AFG3L2: variants seen among roughly 807,000 people sequenced by gnomAD.
AFG3L2 encodes mitochondrial inner membrane m-AAA protease component AFG3L2.
In AFG3L2, 54 loss-of-function variants were observed where a neutral mutation model predicts 94.5. That is an observed-to-expected ratio of 0.57 (90% CI 0.46 to 0.72). AFG3L2 has a LOEUF of 0.72. Among genes scored for constraint, AFG3L2 ranks in the 30% least tolerant of loss-of-function variants. The pLI is 0.00. For missense variants in AFG3L2, 754 were observed against 994.9 expected (o/e 0.76, Z 3.26); for synonymous variants, 377 against 365.5 (o/e 1.03, Z -0.36).
At chr18:12,336,009 G>T (rs1430034738) in intron 16 of AFG3L2, among the ~76,000 whole-genome samples, 1 of 152,208 alleles carries the variant, frequency 6.6e-6, no homozygotes, top group Non-Finnish European at 1.5e-5. Flanking sequence ...ATTTGGCATG[G>T]CTGACTCCAT....
intron 13 of AFG3L2, among the ~76,000 whole-genome samples, chr18:12,346,032 C>T (rs1908123943): frequency 6.6e-6 from 1 of 152,174 alleles, no homozygotes; most frequent in Non-Finnish European, 1.5e-5. Flanking sequence ...CACCCTAACA[C>T]GCTCACTGCC....
At position 12,329,712 on chromosome 18, in the gene AFG3L2, T is replaced by C; in HGVS notation, c.2247A>G (p.Pro749=). ...NDMVELLGPR[P]FAEKSTYEEF... The stretch of plus-strand genomic sequence containing the variant: ...CTTCATAGGTAGATTTTTCCGCAAA[T>C]GGTCTGGGGCCCAAAAGTTCAACCA... Residue 749 remains proline (P), a synonymous_variant, in exon 17 of 17, where the codon CCA becomes CCG. Coordinates refer to ENST00000269143, the MANE Select transcript of AFG3L2 (RefSeq NM_006796.3). The C allele has an allele frequency of 4.3e-6, 7 of 1,614,212 alleles. No homozygotes were observed. Among genetic ancestry groups the C allele is most frequent in the Non-Finnish European group, 5.9e-6 (7 of 1,180,046 alleles).
intron 3 of AFG3L2, among the ~76,000 whole-genome samples, chr18:12,368,010 A>G (rs1908861843): frequency 6.6e-6 from 1 of 152,086 alleles, no homozygotes; most frequent in South Asian, 2.1e-4. Flanking sequence ...TCTACTAAAA[A>G]TACAAAATTA....
Position 12,360,017 on chromosome 18 carries a change from G to A in AFG3L2, c.662C>T (p.Thr221Ile). ...YVWFNIGSVD[T>I]FERNLETLQQ... The stretch of plus-strand genomic sequence containing the variant: ...TAAAGTTTCCAGATTCCGTTCAAAG[G>A]TGTCCACACTGCCAATATTAAACCA... Residue 221 changes from threonine (T) to isoleucine (I), a missense_variant, in exon 7 of 17, where the codon ACC (threonine) becomes ATC (isoleucine). Coordinates refer to ENST00000269143, the MANE Select transcript of AFG3L2 (RefSeq NM_006796.3). 6.2e-7 allele frequency: 1 copy of A among 1,613,968 alleles called. No individual in the cohort carries two copies. The highest frequency in any genetic ancestry group is 1.3e-5 in the African/African-American group (1 of 74,990).
At position 12,355,693 on chromosome 18, in the gene AFG3L2, G is replaced by A. The variant is rs9950753; in HGVS notation, c.1164+1001C>T. 4.3e-3 allele frequency among the ~76,000 whole-genome samples: 645 copies of A among 149,062 alleles called. 8 individuals are homozygous for A. The highest frequency in any genetic ancestry group is 0.015 in the African/African-American group (618 of 40,468). On this transcript the variant is annotated intron_variant, in intron 9 of 16. Transcript: ENST00000269143. ...TACATATTTTTTTTTTTTTTGAGAC[G>A]AGTCTCACTCTGTCACCCAAGCTGG...
Position 12,343,422 on chromosome 18 carries a change from G to A in AFG3L2, c.1779+710C>T, listed in dbSNP as rs533040685. 1.3e-3 allele frequency: 202 copies of A among 153,026 alleles called. 1 individual carries two copies. The South Asian group carries it at 0.014, about 11-fold the overall frequency. The allele number at this position is 153,026 out of a possible 1,614,324, so 9.5% of individuals were successfully genotyped here. ...GCTTCAGGGGACCCCCACACCCCTG[G>A]CCCGCCTCAATTCCCAGCAGCCCTG... On this transcript the variant is annotated intron_variant, in intron 14 of 16. Transcript: ENST00000269143.
rs1206837792 is a variant in AFG3L2, at chr18:12,367,123, CAG to C, written c.400-8_400-7del. On this transcript the variant is annotated splice_polypyrimidine_tract_variant and splice_region_variant and intron_variant, in intron 4 of 16. Coordinates refer to ENST00000269143, the MANE Select transcript of AFG3L2 (RefSeq NM_006796.3). ...TCGTCCCATGGAATGTCACCCTGGGCAGAGAGGGAGACAGCTTCTGTGAAGAA... is the reference window on the plus strand; with the variant it reads ...TCGTCCCATGGAATGTCACCCTGGGCAGAGGGAGACAGCTTCTGTGAAGAA... 2 of 1,614,164 alleles carry C rather than the reference CAG, an allele frequency of 1.2e-6. No individual in the cohort carries two copies. Among genetic ancestry groups the C allele is most frequent in the African/African-American group, 2.7e-5 (2 of 75,032 alleles).
intron 16 of AFG3L2, among the ~76,000 whole-genome samples, chr18:12,332,969 T>A (rs77997183): frequency 0.072 from 2,004 of 27,972 alleles, 226 homozygotes; most frequent in East Asian, 0.4. Context: ...TATAATATAT[T>A]ATATATTATA....
chr18:12,336,492 T>C (rs936197338), intron 16 of AFG3L2, among the ~76,000 whole-genome samples: 1 of 152,066 alleles, frequency 6.6e-6, no homozygotes, highest in Non-Finnish European at 1.5e-5. Context: ...TGCCAAACTA[T>C]CCTTGAAAAA....
intron 1 of AFG3L2, among the ~76,000 whole-genome samples, chr18:12,373,469 T>G (rs1909052268): frequency 1.3e-5 from 2 of 152,128 alleles, no homozygotes; most frequent in Admixed American, 1.3e-4. Context: ...GGCATAACAA[T>G]GTAACCAAAC....
chr18:12,340,099 C>A, intron 15 of AFG3L2, 102 bp downstream of exon 15: 1 of 1,127,234 alleles, frequency 8.9e-7, no homozygotes, highest in Non-Finnish European at 1.3e-6. Context: ...AAGCCTAAAA[C>A]AGTGAAGCAC....
intron 16 of AFG3L2, among the ~76,000 whole-genome samples, chr18:12,334,700 G>A (rs1290931528): frequency 6.6e-6 from 1 of 152,192 alleles, no homozygotes; most frequent in Non-Finnish European, 1.5e-5. Flanking sequence ...CACCTGAGGA[G>A]TGCTGAGATG....
chr18:12,350,495 C>T (rs1908280860), intron 12 of AFG3L2, among the ~76,000 whole-genome samples: 1 of 151,962 alleles, frequency 6.6e-6, no homozygotes, highest in Non-Finnish European at 1.5e-5. Flanking sequence ...GAATTTTTCA[C>T]AAAATACTCC....
intron 12 of AFG3L2, among the ~76,000 whole-genome samples, chr18:12,349,395 C>T (rs190146946): frequency 2.0e-5 from 3 of 152,348 alleles, no homozygotes; most frequent in Non-Finnish European, 2.9e-5. Context: ...AGCAATTCCA[C>T]TCCTAGGTAT....
rs552874161 is a variant in AFG3L2 at position 12,339,484 on chromosome 18, A to T, written c.1980+717T>A. ...GGAGAATTGCTTGAACCCAGGAGGCAGAGGTTGTGGTGAGCCGAGATCGCA... is the reference window on the plus strand; with the variant it reads ...GGAGAATTGCTTGAACCCAGGAGGCTGAGGTTGTGGTGAGCCGAGATCGCA... On this transcript the variant is annotated intron_variant, in intron 15 of 16. Transcript: ENST00000269143. 8.0e-5 allele frequency among the ~76,000 whole-genome samples: 12 copies of T among 149,246 alleles called. No individual in the cohort carries two copies. The East Asian group carries it at 2.4e-3, about 30-fold the overall frequency.
intron 10 of AFG3L2, 122 bp from the exon 11 acceptor site, chr18:12,351,535 A>T: frequency 1.2e-6 from 1 of 858,364 alleles, no homozygotes; most frequent in Non-Finnish European, 1.9e-6. Flanking sequence ...TCTATTCATT[A>T]TCTAGTGTTT....
chr18:12,352,583 G>T (rs913970545), intron 10 of AFG3L2, among the ~76,000 whole-genome samples: 1 of 152,176 alleles, frequency 6.6e-6, no homozygotes, highest in African/African-American at 2.4e-5. Flanking sequence ...ATGATTTAGA[G>T]AATGAGATGG....
intron 1 of AFG3L2, among the ~76,000 whole-genome samples, chr18:12,374,283 G>A (rs1312465661): frequency 6.6e-6 from 1 of 152,136 alleles, no homozygotes; most frequent in African/African-American, 2.4e-5. Flanking sequence ...TGAGAGCACC[G>A]CATTTTGGAG....
intron 7 of AFG3L2, 69 bp from the exon 8 acceptor site, chr18:12,359,012 A>G: frequency 1.9e-6 from 3 of 1,548,988 alleles, no homozygotes; most frequent in South Asian, 1.2e-5. Flanking sequence ...GTGGTGCAAG[A>G]TATCAATATA....
Sources: gnomAD v4.1 joint callset for allele counts (sites outside exome capture counted in the v4.1 genomes callset) on GRCh38, gnomAD v4.1.1 for gene constraint, MANE v1.5 for transcripts, NCBI Gene and HGNC (gene_info 2026-07-23, HGNC 2026-07-21) for gene names.